The following CAB39L variants were observed in gnomAD, a reference collection of about 807,000 sequenced individuals.
CAB39L encodes the protein calcium binding protein 39 like.
CAB39L carries 23 observed loss-of-function variants against 39.1 expected under a neutral mutation model. The observed-to-expected ratio is 0.59, with a 90% CI of 0.42 to 0.83. CAB39L has a LOEUF of 0.83. Among genes scored for constraint, CAB39L ranks in the 40% least tolerant of loss-of-function variants. The pLI, the probability that CAB39L is intolerant of heterozygous loss-of-function variation, is 0.00. For missense variants in CAB39L, 366 were observed against 391.9 expected (o/e 0.93, Z 0.56); for synonymous variants, 126 against 137.2 (o/e 0.92, Z 0.57).
chr13:49,326,235 T>C (rs999057801), intron 10 of CAB39L, among the ~76,000 whole-genome samples: 3 of 152,198 alleles, frequency 2.0e-5, no homozygotes, highest in African/African-American at 7.2e-5. Flanking sequence ...TCAATCCATA[T>C]TGGGCACATC....
intron 3 of CAB39L, among the ~76,000 whole-genome samples, chr13:49,396,444 C>T (rs1233812091): frequency 2.0e-5 from 3 of 152,188 alleles, no homozygotes; most frequent in Non-Finnish European, 2.9e-5. Flanking sequence ...CGCGGTGGCT[C>T]ACACCTGGAA....
chr13:49,365,040 G>A (rs1383914610), intron 5 of CAB39L, among the ~76,000 whole-genome samples: 2 of 152,008 alleles, frequency 1.3e-5, no homozygotes, highest in African/African-American at 2.4e-5. Context: ...ACTTGACTTT[G>A]AATTATACTA....
intron 5 of CAB39L, among the ~76,000 whole-genome samples, chr13:49,369,261 A>G (rs1383551325): frequency 6.6e-6 from 1 of 152,224 alleles, no homozygotes; most frequent in Non-Finnish European, 1.5e-5. Flanking sequence ...CTATACATAA[A>G]TGGTTAACGG....
rs1445923639 is a variant in CAB39L at position 49,394,084 on chromosome 13, C to T, written c.-31-11143G>A. Among the ~76,000 whole-genome samples, 8 of 151,766 alleles carry T rather than the reference C, an allele frequency of 5.3e-5. No homozygotes were observed. The East Asian group carries it at 1.5e-3, about 29-fold the overall frequency. ...AAAGTTAATACGAATATGCCACAAA[C>T]ACAAAAATTTGAATTTCTATAGATA... On this transcript the variant is annotated intron_variant, in intron 3 of 10. Coordinates refer to ENST00000409308, the MANE Select transcript of CAB39L (RefSeq NM_001079670.3).
At chr13:49,329,806 C>T (rs1954635146) in intron 10 of CAB39L, among the ~76,000 whole-genome samples, 1 of 152,010 alleles carries the variant, frequency 6.6e-6, no homozygotes, top group Admixed American at 6.6e-5. Flanking sequence ...GCATTTAAAA[C>T]ATTTTTCCCC....
chr13:49,353,755 C>A (rs1955418119), intron 6 of CAB39L, among the ~76,000 whole-genome samples: 1 of 151,974 alleles, frequency 6.6e-6, no homozygotes, highest in African/African-American at 2.4e-5. Flanking sequence ...TTCTTCATTA[C>A]AATCAATTTA....
At chr13:49,389,115 T>G (rs1956433359) in intron 3 of CAB39L, among the ~76,000 whole-genome samples, 2 of 152,180 alleles carry the variant, frequency 1.3e-5, no homozygotes, top group African/African-American at 4.8e-5. Context: ...TGTACATTGT[T>G]GGTGGGAAGG....
intron 3 of CAB39L, among the ~76,000 whole-genome samples, chr13:49,400,077 A>C (rs1377314932): frequency 6.6e-6 from 1 of 152,118 alleles, no homozygotes; most frequent in Non-Finnish European, 1.5e-5. Flanking sequence ...TATCTAGGGT[A>C]CAAGCCCTTC....
rs527245235 is a variant in CAB39L, at chr13:49,344,185, G to A, written c.618C>T (p.Tyr206=). 24 of 1,580,820 alleles carry A rather than the reference G, an allele frequency of 1.5e-5. No individual in the cohort carries two copies. Among genetic ancestry groups the A allele is most frequent in the East Asian group, 9.0e-5 (4 of 44,666 alleles). Residue 206 remains tyrosine, a synonymous_variant, in exon 8 of 11, where the codon TAC becomes TAT. Coordinates refer to ENST00000409308, the MANE Select transcript of CAB39L (RefSeq NM_001079670.3). ...AAAAATGATTTCTACTTACAGTGTC[G>A]TAATTTTGTTCTAAGAAGTCTGCTA... ...VLVADFLEQN[Y]DTIFEDYEKL...
At chr13:49,360,468 C>T (rs1325973165) in intron 5 of CAB39L, among the ~76,000 whole-genome samples, 1 of 152,176 alleles carries the variant, frequency 6.6e-6, no homozygotes, top group Admixed American at 6.5e-5. Flanking sequence ...ACCAGATATG[C>T]AATCATGGAT....
chr13:49,322,698 G>A (rs973875840), intron 10 of CAB39L, among the ~76,000 whole-genome samples: 2 of 152,122 alleles, frequency 1.3e-5, no homozygotes, highest in Admixed American at 6.5e-5. Context: ...ATAGACTCTT[G>A]TAACTGGGAG....
chr13:49,381,964 C>T (rs1956261031), intron 4 of CAB39L, among the ~76,000 whole-genome samples: 1 of 152,172 alleles, frequency 6.6e-6, no homozygotes, highest in African/African-American at 2.4e-5. Context: ...ATGTATATGT[C>T]ATCATCCACA....
rs756625244 is a variant in CAB39L, at chr13:49,377,011, G to A, written c.232C>T (p.Leu78=). 2 of 1,613,474 alleles carry A rather than the reference G, an allele frequency of 1.2e-6. No homozygotes were observed. The highest frequency in any genetic ancestry group is 1.1e-5 in the South Asian group (1 of 90,982). Residue 78 remains leucine (L), a synonymous_variant, in exon 5 of 11, where the codon CTG becomes TTG. Transcript: ENST00000409308. The part of the protein sequence containing the change: ...QLAQELYSSG[L]LVTLIADLQL... ...AGGTCAGCTATCAGTGTCACTAGCAGGCCACTGCTGTAGAGTTCTTGTGCT... is the reference window on the plus strand; with the variant it reads ...AGGTCAGCTATCAGTGTCACTAGCAAGCCACTGCTGTAGAGTTCTTGTGCT...
At chr13:49,419,503 G>A (rs772374111) in intron 3 of CAB39L, among the ~76,000 whole-genome samples, 2 of 152,114 alleles carry the variant, frequency 1.3e-5, no homozygotes, top group Admixed American at 6.6e-5. Flanking sequence ...GCTTGAGCCC[G>A]GGAGGTCAAG....
intron 5 of CAB39L, among the ~76,000 whole-genome samples, chr13:49,371,189 C>CCTTTTTTTTTTTTTTTTTTTTTTT (rs1555258807): frequency 9.8e-6 from 1 of 102,242 alleles, no homozygotes; most frequent in Non-Finnish European, 2.0e-5. Context: ...CTTTTTCTTT[C>CCTTTTTTTTTTTTTTTTTTTTTTT]TTTTTTTTTT....
At chr13:49,322,308 T>C (rs1954371492) in intron 10 of CAB39L, among the ~76,000 whole-genome samples, 1 of 152,260 alleles carries the variant, frequency 6.6e-6, no homozygotes, top group Admixed American at 6.5e-5. Flanking sequence ...TTAATCCATG[T>C]TGTAGCATGT....
At chr13:49,408,374 G>T (rs1051023762) in intron 3 of CAB39L, among the ~76,000 whole-genome samples, 14 of 152,176 alleles carry the variant, frequency 9.2e-5, no homozygotes, top group Admixed American at 6.5e-5. Flanking sequence ...CAAGGCTTCT[G>T]GATATAAATG....
chr13:49,339,711 G>T lies in CAB39L; in HGVS notation c.656C>A (p.Ser219Tyr). Reference protein sequence around the residue: ...IFEDYEKLLQSENYVTKRQSL... With the variant: ...IFEDYEKLLQYENYVTKRQSL... The stretch of plus-strand genomic sequence containing the variant: ...CTGTCTCTTAGTAACATAATTCTCA[G>T]ACTGAAGCAATTTCTCATAGTCTTC... Residue 219 changes from serine (S) to tyrosine (Y), a missense_variant, in exon 9 of 11, where the codon TCT becomes TAT. By Grantham distance (144) the Ser-to-Tyr change is moderately radical. Transcript: ENST00000409308. The T allele has an allele frequency of 1.3e-6, 2 of 1,579,468 alleles. No individual in the cohort carries two copies. Among genetic ancestry groups the T allele is most frequent in the South Asian group, 2.4e-5 (2 of 83,396 alleles).
intron 10 of CAB39L, among the ~76,000 whole-genome samples, chr13:49,326,573 C>A (rs957484762): frequency 2.6e-5 from 4 of 152,146 alleles, no homozygotes; most frequent in Non-Finnish European, 5.9e-5. Flanking sequence ...GGGAAAAAAA[C>A]CTATTAATTA....
Sources: gnomAD v4.1 joint callset for allele counts (sites outside exome capture counted in the v4.1 genomes callset) on GRCh38, gnomAD v4.1.1 for gene constraint, MANE v1.5 for transcripts, NCBI Gene and HGNC (gene_info 2026-07-23, HGNC 2026-07-21) for gene names.